The following UNC79 variants were observed in gnomAD, a reference collection of about 807,000 sequenced individuals.
The protein encoded by UNC79 is protein unc-79 homolog.
In UNC79, 37 loss-of-function variants were observed where a neutral mutation model predicts 283.1. That is an observed-to-expected ratio of 0.13 (90% CI 0.10 to 0.17). The LOEUF is 0.17. Ranked by LOEUF, UNC79 falls within the 10% of genes least tolerant of loss-of-function variation. The probability of loss-of-function intolerance (pLI) is 1.00; values close to 1 mark genes in which losing one functional copy is unlikely to be tolerated. For missense variants in UNC79, 2,272 were observed against 3,211.1 expected, an observed-to-expected ratio of 0.71 and a Z score of 7.07; for synonymous variants, 1,107 against 1,200.2, an observed-to-expected ratio of 0.92 and a Z score of 1.61.
intron 11 of UNC79, among the ~76,000 whole-genome samples, chr14:93,533,731 C>T (rs577999277): frequency 6.6e-5 from 10 of 152,238 alleles, no homozygotes; most frequent in Middle Eastern, 3.4e-3. Flanking sequence ...GTTCCAAGGC[C>T]GGCCCAGATT....
At chr14:93,456,716 A>C (rs190272357) in intron 1 of UNC79, among the ~76,000 whole-genome samples, 11 of 152,308 alleles carry the variant, frequency 7.2e-5, no homozygotes, top group African/African-American at 2.4e-4. Context: ...AGAATGAAAA[A>C]TATTTATATG....
intron 7 of UNC79, among the ~76,000 whole-genome samples, chr14:93,510,569 CT>C (rs1263299023): frequency 6.6e-6 from 1 of 152,204 alleles, no homozygotes; most frequent in East Asian, 1.9e-4. Context: ...AATCATCTCT[CT>C]CAAATTCAAA....
chr14:93,697,230 G>A (rs1298331137), intron 47 of UNC79, among the ~76,000 whole-genome samples: 1 of 151,992 alleles, frequency 6.6e-6, no homozygotes, highest in African/African-American at 2.4e-5. Flanking sequence ...CCATCTCCCA[G>A]GTCCAAGTGA....
intron 16 of UNC79, among the ~76,000 whole-genome samples, chr14:93,573,239 T>G (rs559118202): frequency 3.1e-4 from 47 of 152,304 alleles, no homozygotes; most frequent in Non-Finnish European, 6.0e-4. Context: ...ATTTGTGAAC[T>G]CCAACCTATC....
chr14:93,348,935 G>T (rs941426188), intron 1 of UNC79, among the ~76,000 whole-genome samples: 19 of 152,284 alleles, frequency 1.2e-4, no homozygotes, highest in African/African-American at 4.3e-4. Flanking sequence ...AACCCGCTGG[G>T]GTCCCCTTCC....
At chr14:93,671,204 A>C (rs1233170854) in intron 40 of UNC79, among the ~76,000 whole-genome samples, 3 of 152,218 alleles carry the variant, frequency 2.0e-5, no homozygotes, top group African/African-American at 7.2e-5. Flanking sequence ...TGCACAAGAT[A>C]ACATTACAGA....
intron 1 of UNC79, among the ~76,000 whole-genome samples, chr14:93,393,263 C>G (rs2054921566): frequency 6.6e-6 from 1 of 152,174 alleles, no homozygotes; most frequent in African/African-American, 2.4e-5. Flanking sequence ...CAGTTAAATT[C>G]CAACAAAAGT....
At chr14:93,619,441 C>T (rs2066969468) in intron 29 of UNC79, among the ~76,000 whole-genome samples, 1 of 152,110 alleles carries the variant, frequency 6.6e-6, no homozygotes. Flanking sequence ...TTATGTAATG[C>T]AAGTCACGTA....
intron 1 of UNC79, among the ~76,000 whole-genome samples, chr14:93,431,353 T>C (rs2055868771): frequency 6.6e-6 from 1 of 151,602 alleles, no homozygotes; most frequent in African/African-American, 2.4e-5. Context: ...AAAAGAGGCC[T>C]CGTATCTTTC....
At chr14:93,536,657 C>T (rs1595784461) in intron 11 of UNC79, among the ~76,000 whole-genome samples, 1 of 151,990 alleles carries the variant, frequency 6.6e-6, no homozygotes, top group Non-Finnish European at 1.5e-5. Context: ...CCTTCTACAC[C>T]TTATGCTCTC....
chr14:93,503,773 TTAAA>T (rs142914419), intron 7 of UNC79, among the ~76,000 whole-genome samples: 6,314 of 152,084 alleles, frequency 0.042, 424 homozygotes, highest in African/African-American at 0.14. Flanking sequence ...TGTCTTATCA[TTAAA>T]TAAAGTTATT....
At chr14:93,515,834 A>G (rs1336519685) in intron 7 of UNC79, among the ~76,000 whole-genome samples, 2 of 152,114 alleles carry the variant, frequency 1.3e-5, no homozygotes, top group African/African-American at 4.8e-5. Context: ...TTCCCTGTTG[A>G]AGTATTTCAA....
chr14:93,686,543 T>C (rs761057479), intron 42 of UNC79, 29 bp from the exon 46 acceptor site: 4 of 1,611,910 alleles, frequency 2.5e-6, no homozygotes, highest in Non-Finnish European at 3.4e-6. Context: ...AAAATGAAGG[T>C]GTGACCCAGC....
At chr14:93,674,998 G>A (rs139653659) in intron 41 of UNC79, among the ~76,000 whole-genome samples, 9 of 152,222 alleles carry the variant, frequency 5.9e-5, no homozygotes, top group East Asian at 5.8e-4. Flanking sequence ...ATCTCTTTCC[G>A]CACCAACCCA....
At chr14:93,341,466 A>G (rs1006053228) in intron 1 of UNC79, among the ~76,000 whole-genome samples, 17 of 151,978 alleles carry the variant, frequency 1.1e-4, no homozygotes, top group Non-Finnish European at 1.6e-4. Flanking sequence ...TCAAAAAGAA[A>G]AAAAATGATG....
At chr14:93,521,910 G>A (rs1265550486) in intron 7 of UNC79, among the ~76,000 whole-genome samples, 1 of 150,916 alleles carries the variant, frequency 6.6e-6, no homozygotes, top group Non-Finnish European at 1.5e-5. Flanking sequence ...TTTTGATTCA[G>A]AAGATCTAAC....
intron 1 of UNC79, among the ~76,000 whole-genome samples, chr14:93,432,664 G>A (rs2055924096): frequency 6.6e-6 from 1 of 151,916 alleles, no homozygotes; most frequent in Non-Finnish European, 1.5e-5. Flanking sequence ...AGAGGTTTTT[G>A]AAAAAAATTG....
intron 7 of UNC79, among the ~76,000 whole-genome samples, chr14:93,522,634 G>A (rs1004553): frequency 0.31 from 46,742 of 151,894 alleles, 7,563 homozygotes; most frequent in East Asian, 0.65. Context: ...GTTATGAAGC[G>A]CCTATACCGA....
At chr14:93,630,099 C>T (rs2067902400) in intron 30 of UNC79, among the ~76,000 whole-genome samples, 1 of 152,184 alleles carries the variant, frequency 6.6e-6, no homozygotes, top group African/African-American at 2.4e-5. Flanking sequence ...AATAGGAGAG[C>T]CAATGGCAGT....
Sources: allele counts gnomAD v4.1 joint callset (sites outside exome capture counted in the v4.1 genomes callset), GRCh38; gene constraint gnomAD v4.1.1; transcripts MANE v1.5; gene names NCBI Gene and HGNC (gene_info 2026-07-23, HGNC 2026-07-21).